Variants in FGGY observed in about 807,000 individuals in gnomAD.
FGGY encodes FGGY carbohydrate kinase domain containing.
Under a neutral mutation model 71.3 loss-of-function variants are expected in FGGY, and 72 were observed. The observed-to-expected ratio is 1.01, with a 90% CI of 0.84 to 1.23. FGGY has a LOEUF of 1.23. Among genes scored for constraint, FGGY ranks in the 50% most tolerant of loss-of-function variants. The probability of loss-of-function intolerance (pLI) is 0.00; values close to 1 mark genes in which losing one functional copy is unlikely to be tolerated. For missense variants in FGGY, 668 were observed against 682.3 expected, an observed-to-expected ratio of 0.98 and a Z score of 0.23; for synonymous variants, 251 against 250.3, an observed-to-expected ratio of 1.00 and a Z score of -0.02.
At chr1:59,534,648 C>T (rs1041059487) in intron 7 of FGGY, among the ~76,000 whole-genome samples, 5 of 152,144 alleles carry the variant, frequency 3.3e-5, no homozygotes, top group African/African-American at 1.2e-4. Flanking sequence ...AGAAACTCTA[C>T]AAGCCAGAAG....
intron 7 of FGGY, among the ~76,000 whole-genome samples, chr1:59,521,355 T>C (rs1207554203): frequency 6.6e-6 from 1 of 152,102 alleles, no homozygotes; most frequent in East Asian, 1.9e-4. Flanking sequence ...AAGGCTTTCT[T>C]GGAGTGCTGT....
intron 14 of FGGY, among the ~76,000 whole-genome samples, chr1:59,696,277 A>G (rs569264842): frequency 2.0e-5 from 3 of 152,354 alleles, no homozygotes; most frequent in Admixed American, 1.3e-4. Context: ...CTAAGTTTTA[A>G]TAGATACTAG....
intron 6 of FGGY, among the ~76,000 whole-genome samples, chr1:59,500,698 G>C (rs1200216076): frequency 7.3e-6 from 1 of 136,742 alleles, no homozygotes; most frequent in African/African-American, 2.7e-5. Flanking sequence ...GAAGAAACAT[G>C]TAAAAAGACA....
At chr1:59,498,222 A>T (rs1717822) in intron 6 of FGGY, among the ~76,000 whole-genome samples, 67,813 of 151,824 alleles carry the variant, frequency 0.45, 15,455 homozygotes, top group African/African-American at 0.52. Context: ...TGTGTATTTT[A>T]CAAATGAGGA....
intron 5 of FGGY, among the ~76,000 whole-genome samples, chr1:59,402,852 G>T (rs1010145438): frequency 6.6e-6 from 1 of 152,132 alleles, no homozygotes; most frequent in Non-Finnish European, 1.5e-5. Flanking sequence ...CATGGAAAAG[G>T]CTTCATTCTT....
chr1:59,760,221 A>G (rs2098330074), intron 15 of FGGY, among the ~76,000 whole-genome samples: 3 of 152,214 alleles, frequency 2.0e-5, no homozygotes, highest in Non-Finnish European at 4.4e-5. Flanking sequence ...CAACAGCACT[A>G]TTAGGAAAAT....
chr1:59,578,774 A>G (rs563004784), intron 8 of FGGY, among the ~76,000 whole-genome samples: 3 of 152,212 alleles, frequency 2.0e-5, no homozygotes, highest in South Asian at 2.1e-4. Flanking sequence ...AGATCCTTCA[A>G]TAAACCAGAA....
chr1:59,657,572 A>G (rs1247295129), intron 11 of FGGY, among the ~76,000 whole-genome samples: 2 of 151,658 alleles, frequency 1.3e-5, no homozygotes, highest in East Asian at 3.9e-4. Flanking sequence ...TGTTCAGCTC[A>G]TGACTGGTGT....
At chr1:59,587,069 G>C (rs983793502) in intron 8 of FGGY, among the ~76,000 whole-genome samples, 5 of 152,222 alleles carry the variant, frequency 3.3e-5, no homozygotes, top group African/African-American at 7.2e-5. Context: ...ATGGCACCTG[G>C]AAAATCGGGT....
chr1:59,575,388 C>T (rs1324910106), intron 8 of FGGY, among the ~76,000 whole-genome samples: 1 of 152,124 alleles, frequency 6.6e-6, no homozygotes, highest in Admixed American at 6.6e-5. Flanking sequence ...GTTTATTTTA[C>T]TTAGCATAAT....
chr1:59,398,287 A>G (rs2061555451), intron 5 of FGGY, among the ~76,000 whole-genome samples: 1 of 152,046 alleles, frequency 6.6e-6, no homozygotes, highest in Non-Finnish European at 1.5e-5. Context: ...GTCAGTCTGG[A>G]TTGTGCAGTG....
At chr1:59,563,329 G>A (rs777841305) in intron 8 of FGGY, among the ~76,000 whole-genome samples, 3 of 152,080 alleles carry the variant, frequency 2.0e-5, no homozygotes, top group Non-Finnish European at 4.4e-5. Flanking sequence ...TTTATTGGAG[G>A]CCTTTTCTGC....
At chr1:59,421,598 T>C (rs971265711) in intron 5 of FGGY, among the ~76,000 whole-genome samples, 2 of 149,228 alleles carry the variant, frequency 1.3e-5, no homozygotes, top group African/African-American at 4.9e-5. Context: ...CTGCCCCAGC[T>C]TCTCTTCCCT....
intron 7 of FGGY, among the ~76,000 whole-genome samples, chr1:59,544,914 C>T (rs1480845902): frequency 2.6e-5 from 4 of 152,164 alleles, no homozygotes; most frequent in Non-Finnish European, 5.9e-5. Flanking sequence ...GACTTTGTCT[C>T]TTTTGTCTCA....
At chr1:59,401,964 C>G (rs756854816) in intron 5 of FGGY, among the ~76,000 whole-genome samples, 2 of 152,170 alleles carry the variant, frequency 1.3e-5, no homozygotes, top group Non-Finnish European at 2.9e-5. Flanking sequence ...CCATGGCGTT[C>G]TGTGTTTTTC....
At chr1:59,406,822 A>T (rs1340821754) in intron 5 of FGGY, among the ~76,000 whole-genome samples, 1 of 152,118 alleles carries the variant, frequency 6.6e-6, no homozygotes, top group Non-Finnish European at 1.5e-5. Context: ...TGTGTATATG[A>T]TATGCATATA....
chr1:59,412,872 C>G (rs1156460158), intron 5 of FGGY, among the ~76,000 whole-genome samples: 1 of 152,144 alleles, frequency 6.6e-6, no homozygotes, highest in Non-Finnish European at 1.5e-5. Context: ...CACATACACT[C>G]TGAGGAAATG....
chr1:59,694,690 CTTT>C (rs58871168), intron 14 of FGGY, among the ~76,000 whole-genome samples: 4 of 142,380 alleles, frequency 2.8e-5, no homozygotes, highest in Non-Finnish European at 3.1e-5. Flanking sequence ...AACTAGGTGT[CTTT>C]TTTTTTTTTT....
At chr1:59,650,767 C>T (rs369675220) in intron 11 of FGGY, among the ~76,000 whole-genome samples, 1 of 141,116 alleles carries the variant, frequency 7.1e-6, no homozygotes, top group Admixed American at 6.9e-5. Flanking sequence ...CTGCTCTGAT[C>T]TTAGTTATTT....
Sources: gnomAD v4.1 joint callset for allele counts (sites outside exome capture counted in the v4.1 genomes callset) on GRCh38, gnomAD v4.1.1 for gene constraint, MANE v1.5 for transcripts, NCBI Gene and HGNC (gene_info 2026-07-23, HGNC 2026-07-21) for gene names.